RAI14: variants seen among roughly 807,000 people sequenced by gnomAD.
The protein encoded by RAI14 is ankycorbin.
In RAI14, 45 loss-of-function variants were observed where a neutral mutation model predicts 115.4. That is an observed-to-expected ratio of 0.39 (90% confidence interval 0.31 to 0.50). The LOEUF is 0.50. Among genes scored for constraint, RAI14 ranks in the 20% least tolerant of loss-of-function variants. The pLI, the probability that RAI14 is intolerant of heterozygous loss-of-function variation, is 0.85. For synonymous variants in RAI14, 371 were observed against 415.4 expected (o/e 0.89, Z 1.30); for missense variants, 939 against 1,131.2 (o/e 0.83, Z 2.44).
chr5:34,764,537 T>TTC (rs146616019), intron 3 of RAI14, among the ~76,000 whole-genome samples: 18,020 of 71,386 alleles, frequency 0.25, 1,255 homozygotes, highest in Middle Eastern at 0.4. Context: ...CAGGTGAATT[T>TTC]TCTCTCTCTC....
intron 3 of RAI14, among the ~76,000 whole-genome samples, chr5:34,782,418 G>A (rs1751776882): frequency 6.6e-6 from 1 of 152,112 alleles, no homozygotes; most frequent in African/African-American, 2.4e-5. Flanking sequence ...AAATCACAGA[G>A]CTTTTAAGTG....
chr5:34,807,927 G>A (rs1755121625), intron 6 of RAI14, 70 bp downstream of exon 6: 1 of 1,186,978 alleles, frequency 8.4e-7, no homozygotes, highest in Non-Finnish European at 1.3e-6. Flanking sequence ...CCTTATTCAG[G>A]CCATTAACCT....
At chr5:34,752,753 A>G (rs200393095) in intron 2 of RAI14, among the ~76,000 whole-genome samples, 6,284 of 121,190 alleles carry the variant, frequency 0.052, 234 homozygotes, top group Middle Eastern at 0.1. Flanking sequence ...GTGTGTGTAT[A>G]TATATATATA....
chr5:34,829,869 T>C, intron 17 of RAI14, 72 bp downstream of exon 17: 2 of 1,218,160 alleles, frequency 1.6e-6, no homozygotes, highest in African/African-American at 1.5e-5. Context: ...AGAACTCCCA[T>C]CATTTAACTA....
At chr5:34,669,056 T>A (rs1212701040) in intron 1 of RAI14, among the ~76,000 whole-genome samples, 2 of 152,066 alleles carry the variant, frequency 1.3e-5, no homozygotes, top group African/African-American at 4.8e-5. Context: ...GGGGTTTCAC[T>A]ATGTTGGCCA....
chr5:34,700,929 C>T (rs529109030), intron 2 of RAI14, among the ~76,000 whole-genome samples: 46 of 152,246 alleles, frequency 3.0e-4, no homozygotes, highest in African/African-American at 1.1e-3. Context: ...AATTTAGACC[C>T]AATTTAACTG....
chr5:34,777,906 T>C (rs2150150716), intron 3 of RAI14, among the ~76,000 whole-genome samples: 1 of 152,142 alleles, frequency 6.6e-6, no homozygotes, highest in East Asian at 1.9e-4. Context: ...AGAAACATAG[T>C]TAGAGCTACA....
At chr5:34,737,201 C>T (rs1744978054) in intron 2 of RAI14, among the ~76,000 whole-genome samples, 1 of 152,054 alleles carries the variant, frequency 6.6e-6, no homozygotes, top group Non-Finnish European at 1.5e-5. Context: ...GTTGGTACAG[C>T]CAGGATACTA....
At chr5:34,680,406 C>T (rs1472756814) in intron 1 of RAI14, among the ~76,000 whole-genome samples, 1 of 152,186 alleles carries the variant, frequency 6.6e-6, no homozygotes, top group African/African-American at 2.4e-5. Flanking sequence ...GCCTAGCTCA[C>T]TTTTATAATA....
intron 3 of RAI14, among the ~76,000 whole-genome samples, chr5:34,759,358 G>A (rs164317): frequency 0.17 from 25,629 of 152,080 alleles, 2,444 homozygotes; most frequent in African/African-American, 0.28. Context: ...GTCACAGACC[G>A]GACTGGTACT....
intron 16 of RAI14, among the ~76,000 whole-genome samples, chr5:34,828,945 A>G (rs902768879): frequency 5.9e-5 from 9 of 152,158 alleles, no homozygotes; most frequent in African/African-American, 2.2e-4. Flanking sequence ...AAATTAGTAC[A>G]TATTTGGTCA....
chr5:34,672,864 C>A lies in RAI14; in HGVS notation c.-48-14008C>A, dbSNP rs904007389. Among the ~76,000 whole-genome samples the A allele has an allele frequency of 2.0e-5, 3 of 152,042 alleles. No homozygotes were observed. The East Asian group carries it at 5.8e-4, about 29-fold the overall frequency. ...CCATACCCCAGGGAAACTTCCCCAC[C>A]GTCTGTCCTTCTCACATTGTTTCTG... is the stretch of plus-strand genomic sequence containing the variant. On this transcript the variant is annotated intron_variant, in intron 1 of 17. Coordinates refer to ENST00000265109, the MANE Select transcript of RAI14 (RefSeq NM_015577.3).
intron 1 of RAI14, among the ~76,000 whole-genome samples, chr5:34,661,948 C>T (rs1000381543): frequency 2.0e-5 from 3 of 152,150 alleles, no homozygotes; most frequent in Non-Finnish European, 2.9e-5. Context: ...AACACACCTG[C>T]CTAGTTTTTC....
chr5:34,680,030 C>T (rs564779465), intron 1 of RAI14, among the ~76,000 whole-genome samples: 2 of 152,236 alleles, frequency 1.3e-5, no homozygotes, highest in South Asian at 4.1e-4. Context: ...GGCCAGGGCT[C>T]AAGTTCAGGC....
intron 3 of RAI14, among the ~76,000 whole-genome samples, chr5:34,792,015 G>C (rs925094304): frequency 3.3e-5 from 5 of 152,188 alleles, no homozygotes; most frequent in Non-Finnish European, 5.9e-5. Flanking sequence ...GGCAGACCTG[G>C]AGGGGCAGAG....
At chr5:34,686,332 G>A (rs1430438447) in intron 1 of RAI14, 2 of 151,404 alleles carry the variant, frequency 1.3e-5, no homozygotes, top group African/African-American at 4.9e-5. Context: ...AGGAGCAGGG[G>A]TGGGGATGTG....
At chr5:34,770,854 A>C (rs1750059577) in intron 3 of RAI14, among the ~76,000 whole-genome samples, 1 of 152,230 alleles carries the variant, frequency 6.6e-6, no homozygotes, top group South Asian at 2.1e-4. Flanking sequence ...CTGTTTTTTA[A>C]AATATTATTT....
chr5:34,668,138 A>T (rs2149850558), intron 1 of RAI14, among the ~76,000 whole-genome samples: 1 of 152,308 alleles, frequency 6.6e-6, no homozygotes, highest in South Asian at 2.1e-4. Context: ...TCACGCGTAT[A>T]ATCCCAGCAC....
intron 2 of RAI14, chr5:34,688,383 C>A: frequency 3.4e-6 from 3 of 871,992 alleles, no homozygotes; most frequent in Non-Finnish European, 3.5e-6. Context: ...TTATTTTTAG[C>A]AAAATTTCAT....
Sources: allele counts gnomAD v4.1 joint callset (sites outside exome capture counted in the v4.1 genomes callset), GRCh38; gene constraint gnomAD v4.1.1; transcripts MANE v1.5; gene names NCBI Gene and HGNC (gene_info 2026-07-23, HGNC 2026-07-21).